The following BCAS3 variants were observed in gnomAD, a reference collection of about 807,000 sequenced individuals.
The protein encoded by BCAS3 is BCAS3 microtubule associated cell migration factor.
Under a neutral mutation model 116.1 loss-of-function variants are expected in BCAS3, and 53 were observed. That is an observed-to-expected ratio of 0.46 (90% confidence interval 0.37 to 0.57). The LOEUF (loss-of-function observed/expected upper bound fraction) is 0.57, where lower values mean the gene tolerates loss of function less well. BCAS3 is among the 20% of genes least tolerant of loss of function. BCAS3 has a pLI of 0.00. For synonymous variants in BCAS3, 391 were observed against 408.2 expected, an observed-to-expected ratio of 0.96 and a Z score of 0.51; for missense variants, 917 against 1,165.4, an observed-to-expected ratio of 0.79 and a Z score of 3.10.
At chr17:61,143,148 A>G (rs2077012018) in intron 22 of BCAS3, among the ~76,000 whole-genome samples, 1 of 152,128 alleles carries the variant, frequency 6.6e-6, no homozygotes, top group African/African-American at 2.4e-5. Context: ...CTTTGACTTT[A>G]TTTTTGAACT....
At chr17:61,201,516 A>G (rs980026855) in intron 22 of BCAS3, among the ~76,000 whole-genome samples, 1 of 152,174 alleles carries the variant, frequency 6.6e-6, no homozygotes, top group East Asian at 1.9e-4. Context: ...TTTGGGGGAT[A>G]CACTCTCTTC....
chr17:60,767,274 C>T (rs745310361), intron 6 of BCAS3, among the ~76,000 whole-genome samples: 7 of 151,250 alleles, frequency 4.6e-5, no homozygotes, highest in Non-Finnish European at 7.4e-5. Flanking sequence ...CAATCTTCTG[C>T]GTCGATCATG....
intron 19 of BCAS3, among the ~76,000 whole-genome samples, chr17:61,049,227 G>A (rs894683988): frequency 1.3e-5 from 2 of 151,840 alleles, no homozygotes; most frequent in African/African-American, 4.8e-5. Flanking sequence ...CTTGAGGCCA[G>A]GAAGTCAAGG....
At chr17:60,865,543 A>G (rs559690435) in intron 7 of BCAS3, among the ~76,000 whole-genome samples, 3 of 152,320 alleles carry the variant, frequency 2.0e-5, no homozygotes, top group East Asian at 3.9e-4. Flanking sequence ...TTTTCATGCT[A>G]TTGCAAATAC....
intron 6 of BCAS3, among the ~76,000 whole-genome samples, chr17:60,753,746 T>C (rs557889456): frequency 8.5e-5 from 13 of 152,306 alleles, no homozygotes; most frequent in African/African-American, 2.2e-4. Flanking sequence ...ATATTGTTGA[T>C]GGTCAGGAAG....
Position 61,109,847 on chromosome 17 carries a change from G to T in BCAS3, c.2425+25283G>T, listed in dbSNP as rs574215771. 1.7e-4 allele frequency among the ~76,000 whole-genome samples: 26 copies of T among 152,352 alleles called. No individual in the cohort carries two copies. In the South Asian group the frequency reaches 5.0e-3, roughly 29 times the overall value. On this transcript the variant is annotated intron_variant, in intron 22 of 23. Transcript: ENST00000407086. ...TGTAGATTCTGGAAATTAGTCCTTTGTCAGATGTATAGATTGTGAAGATTT... is the reference window on the plus strand; with the variant it reads ...TGTAGATTCTGGAAATTAGTCCTTTTTCAGATGTATAGATTGTGAAGATTT...
intron 22 of BCAS3, among the ~76,000 whole-genome samples, chr17:61,287,582 C>A (rs2051951881): frequency 6.6e-6 from 1 of 152,050 alleles, no homozygotes; most frequent in East Asian, 1.9e-4. Context: ...AAAAATTAGC[C>A]AGGCATGGTG....
intron 19 of BCAS3, among the ~76,000 whole-genome samples, chr17:61,067,158 A>G (rs2070713694): frequency 6.7e-6 from 1 of 150,314 alleles, no homozygotes; most frequent in Non-Finnish European, 1.5e-5. Context: ...GAAAAGTTAT[A>G]TTATTAATTG....
rs1323661373 is a variant in BCAS3, at chr17:61,316,016, A to C, written c.2426-52311A>C. Among the ~76,000 whole-genome samples the C allele has an allele frequency of 1.3e-5, 2 of 152,060 alleles. No individual in the cohort carries two copies. The highest frequency in any genetic ancestry group is 4.8e-5 in the African/African-American group (2 of 41,408). Reference sequence around the variant, plus strand: ...GTCTAGGATAGTGACCATCTATAGCAGGTGCTGGCCAGGCGTGGTGGCTCA... The same window carrying C: ...GTCTAGGATAGTGACCATCTATAGCCGGTGCTGGCCAGGCGTGGTGGCTCA... On this transcript the variant is annotated intron_variant, in intron 22 of 23. Coordinates refer to ENST00000407086, the MANE Select transcript of BCAS3 (RefSeq NM_017679.5). This position sits in a 1 kb window ranked among gnomAD's most constrained non-coding sequence, Gnocchi z 5.8.
rs192548555 is a variant in BCAS3 at position 61,137,576 on chromosome 17, C to T, written c.2425+53012C>T. On this transcript the variant is annotated intron_variant, in intron 22 of 23. Coordinates refer to ENST00000407086, the MANE Select transcript of BCAS3 (RefSeq NM_017679.5). Reference sequence around the variant, plus strand: ...CTGAGGTCAGGAGTTTGAGACCAGCCTGGCCAACATGATGAAACCCTGTCT... The same window carrying T: ...CTGAGGTCAGGAGTTTGAGACCAGCTTGGCCAACATGATGAAACCCTGTCT... Among the ~76,000 whole-genome samples the T allele has an allele frequency of 3.0e-3, 459 of 152,060 alleles. 1 individual carries two copies. Among genetic ancestry groups the T allele is most frequent in the Non-Finnish European group, 4.6e-3 (314 of 67,974 alleles).
chr17:61,329,929 G>T (rs910196389), intron 22 of BCAS3, among the ~76,000 whole-genome samples: 5 of 152,156 alleles, frequency 3.3e-5, no homozygotes. Context: ...CATTTAGTGA[G>T]AATTTCCTTT....
At chr17:60,810,740 C>T (rs2048732484) in intron 7 of BCAS3, 1 of 663,604 alleles carries the variant, frequency 1.5e-6, no homozygotes, top group South Asian at 1.4e-5. Flanking sequence ...ACTGATGACA[C>T]CAATGTCACT....
intron 12 of BCAS3, 29 bp from the exon 13 acceptor site, chr17:60,924,378 C>T (rs949613928): frequency 9.4e-6 from 15 of 1,596,718 alleles, no homozygotes; most frequent in Middle Eastern, 1.7e-4. Flanking sequence ...AAAATATTTA[C>T]CTCCATTTGT....
chr17:60,918,329 C>A (rs2058881701), intron 12 of BCAS3, among the ~76,000 whole-genome samples: 1 of 152,052 alleles, frequency 6.6e-6, no homozygotes, highest in Non-Finnish European at 1.5e-5. Context: ...AATATTTGTA[C>A]AAATTTTTGG....
At chr17:60,798,274 T>C (rs1254284964) in intron 6 of BCAS3, among the ~76,000 whole-genome samples, 2 of 152,222 alleles carry the variant, frequency 1.3e-5, no homozygotes, top group African/African-American at 4.8e-5. Flanking sequence ...AGTGAAACAA[T>C]AATCCACCAT....
intron 16 of BCAS3, among the ~76,000 whole-genome samples, chr17:61,033,128 A>G (rs1161195004): frequency 1.3e-5 from 2 of 152,178 alleles, no homozygotes; most frequent in African/African-American, 4.8e-5. Flanking sequence ...GCCATATAGA[A>G]AAGTTAGTAT....
rs922317141 is a variant in BCAS3, at chr17:61,233,045, G to C, written c.2426-135282G>C. On this transcript the variant is annotated intron_variant, in intron 22 of 23. Transcript: ENST00000407086. This position sits in a 1 kb window ranked among gnomAD's most constrained non-coding sequence, Gnocchi z 4.3. ...TGAAGTCATTCCTTTGCAGTGATCT[G>C]TAGCTAGACTGCGCTCTCTTGGGAC... is the stretch of plus-strand genomic sequence containing the variant. 2.0e-5 allele frequency among the ~76,000 whole-genome samples: 3 copies of C among 152,180 alleles called. No individual in the cohort carries two copies. Among genetic ancestry groups the C allele is most frequent in the African/African-American group, 7.2e-5 (3 of 41,446 alleles).
chr17:60,965,054 T>A (rs1600061358), intron 14 of BCAS3, among the ~76,000 whole-genome samples: 1 of 152,136 alleles, frequency 6.6e-6, no homozygotes, highest in East Asian at 1.9e-4. Flanking sequence ...TGATCTTTAT[T>A]ATTTCTGTCT....
chr17:60,981,505 A>G (rs1886566603), intron 14 of BCAS3, among the ~76,000 whole-genome samples: 1 of 152,036 alleles, frequency 6.6e-6, no homozygotes, highest in Non-Finnish European at 1.5e-5. Context: ...CTGGTCTGGA[A>G]CCCCTTACCT....
Sources: gnomAD v4.1 joint callset for allele counts (sites outside exome capture counted in the v4.1 genomes callset) on GRCh38, gnomAD v4.1.1 for gene constraint, Gnocchi (gnomAD v3.1) non-coding constraint, MANE v1.5 for transcripts, NCBI Gene and HGNC (gene_info 2026-07-23, HGNC 2026-07-21) for gene names.